Variants in UNC80 observed in about 807,000 individuals in gnomAD.
UNC80 encodes the protein unc-80 subunit of NALCN channel complex.
Under a neutral mutation model 384.6 loss-of-function variants are expected in UNC80, and 164 were observed. The observed-to-expected ratio is 0.43, with a 90% CI of 0.38 to 0.49. The LOEUF (loss-of-function observed/expected upper bound fraction) is 0.49, where lower values mean the gene tolerates loss of function less well. Ranked by LOEUF, UNC80 falls within the 20% of genes least tolerant of loss-of-function variation. The pLI, the probability that UNC80 is intolerant of heterozygous loss-of-function variation, is 0.00. For missense variants in UNC80, 3,330 were observed against 4,143.0 expected (o/e 0.80, Z 5.39); for synonymous variants, 1,486 against 1,527.8 (o/e 0.97, Z 0.64).
intron 33 of UNC80, among the ~76,000 whole-genome samples, chr2:209,919,416 A>G (rs991639959): frequency 1.3e-5 from 2 of 152,192 alleles, no homozygotes; most frequent in Non-Finnish European, 2.9e-5. Flanking sequence ...TAACCATTAA[A>G]GGTTTTTGAC....
In UNC80 at chr2:209,997,740, C is replaced by T. The variant is rs555045857; in HGVS notation, c.*2145C>T. ...AAGCCTCCACTCTGAGAAACAGGGC[C>T]TTATAGAGTAGGAATGTTTTCATAC... On this transcript the variant is annotated 3_prime_UTR_variant, in exon 65 of 65. Coordinates refer to ENST00000673920, the MANE Select transcript of UNC80 (RefSeq NM_001371986.1). The T allele has an allele frequency of 5.3e-5, 8 of 152,118 alleles. No individual in the cohort carries two copies. Among genetic ancestry groups the T allele is most frequent in the Non-Finnish European group, 8.8e-5 (6 of 67,976 alleles). 9.4% of individuals were successfully genotyped at this position (152,118 alleles called of 1,614,324 possible).
At chr2:209,934,154 A>T in intron 39 of UNC80, 149 bp downstream of exon 39, 3 of 748,328 alleles carry the variant, frequency 4.0e-6, no homozygotes. Context: ...TGTTTAATAT[A>T]ATCAGAGGAA....
chr2:209,984,336 G>T (rs1204149500), intron 60 of UNC80, among the ~76,000 whole-genome samples: 1 of 152,148 alleles, frequency 6.6e-6, no homozygotes, highest in South Asian at 2.1e-4. Flanking sequence ...AGGGAAAGTT[G>T]TGTTCTTTCT....
intron 7 of UNC80, among the ~76,000 whole-genome samples, chr2:209,806,404 C>A (rs565254099): frequency 5.6e-4 from 86 of 152,326 alleles, no homozygotes; most frequent in Non-Finnish European, 9.1e-4. Flanking sequence ...AGCTCTCTCT[C>A]TATATATATA....
rs1158873102 is a variant in UNC80 at position 209,959,166 on chromosome 2, C to T, written c.7586+12C>T. 1.9e-6 allele frequency: 3 copies of T among 1,551,824 alleles called. No individual in the cohort carries two copies. Among genetic ancestry groups the T allele is most frequent in the East Asian group, 4.9e-5 (2 of 40,920 alleles). Reference sequence around the variant, plus strand: ...CTGCACTTTATCAGGTACAGAAAGACTTGCTCTAATTTCATACCAGTTCTG... The same window carrying T: ...CTGCACTTTATCAGGTACAGAAAGATTTGCTCTAATTTCATACCAGTTCTG... On this transcript the variant is annotated intron_variant, in intron 50 of 64. Transcript: ENST00000673920.
chr2:209,817,601 G>A (rs573874845), intron 10 of UNC80, among the ~76,000 whole-genome samples: 1 of 152,074 alleles, frequency 6.6e-6, no homozygotes, highest in Non-Finnish European at 1.5e-5. Context: ...ATTTGGCTAA[G>A]ATTGGGGCTG....
Position 209,912,591 on chromosome 2 carries a change from C to T in UNC80, c.4814C>T (p.Ser1605Phe), listed in dbSNP as rs1330253308. The T allele has an allele frequency of 1.2e-5, 18 of 1,551,460 alleles. No individual in the cohort carries two copies. In the East Asian group the frequency reaches 4.2e-4, roughly 36 times the overall value. The change falls in exon 30 of 65, where the codon TCT (serine) becomes TTT (phenylalanine). Residue 1605 changes from serine (S) to phenylalanine (F), a missense_variant. Around this residue, in one of 8 missense-constraint regions of UNC80, gnomAD observed 801 missense variants for 950.8 expected, o/e 0.84. Coordinates refer to ENST00000673920, the MANE Select transcript of UNC80 (RefSeq NM_001371986.1). ...GATAAGTCATGCCTGAGGACACCTT[C>T]TCTAAAGAAGAGAGTTTCAGATGCC... ...CSDKSCLRTP[S>F]LKKRVSDANL...
At chr2:209,851,953 G>A (rs759208660) in intron 22 of UNC80, among the ~76,000 whole-genome samples, 1 of 152,058 alleles carries the variant, frequency 6.6e-6, no homozygotes, top group Non-Finnish European at 1.5e-5. Flanking sequence ...TAGCTTAAAC[G>A]TGGTTAGGAA....
At chr2:209,845,350 A>G (rs1434811023) in intron 21 of UNC80, 1 of 152,224 alleles carries the variant, frequency 6.6e-6, no homozygotes, top group Non-Finnish European at 1.5e-5. Context: ...GGTGGAAAAG[A>G]TAAAAGCATA....
At chr2:209,962,885 G>A (rs547812708) in intron 51 of UNC80, among the ~76,000 whole-genome samples, 1 of 152,012 alleles carries the variant, frequency 6.6e-6, no homozygotes, top group Non-Finnish European at 1.5e-5. Flanking sequence ...GCGAATTGAG[G>A]GTAGTATTAA....
intron 30 of UNC80, 110 bp downstream of exon 30, chr2:209,912,777 G>A (rs2089096146): frequency 1.5e-6 from 1 of 683,978 alleles, no homozygotes. Context: ...TACAGTGTTG[G>A]CATAAAGCCC....
At chr2:209,847,500 T>G (rs1163052992) in intron 21 of UNC80, among the ~76,000 whole-genome samples, 2 of 152,028 alleles carry the variant, frequency 1.3e-5, no homozygotes, top group African/African-American at 4.8e-5. Context: ...ATTCTGCTGA[T>G]CTTCTGACCT....
intron 7 of UNC80, among the ~76,000 whole-genome samples, chr2:209,806,923 T>A (rs2078937658): frequency 6.6e-6 from 1 of 152,230 alleles, no homozygotes; most frequent in South Asian, 2.1e-4. Flanking sequence ...GGAGTGCTTA[T>A]CTGCCTTCAA....
chr2:209,925,556 A>C (rs1472601495), intron 35 of UNC80, among the ~76,000 whole-genome samples: 1 of 147,892 alleles, frequency 6.8e-6, no homozygotes, highest in Non-Finnish European at 1.5e-5. Context: ...TCCAGCTTTT[A>C]TTCCCTTATT....
chr2:209,877,912 G>A (rs2084924090), intron 23 of UNC80, 42 bp from the exon 24 acceptor site: 2 of 1,472,716 alleles, frequency 1.4e-6, no homozygotes, highest in Non-Finnish European at 1.8e-6. Context: ...TTTAGAGTTT[G>A]ACTTAGTTTG....
chr2:209,964,384 G>T (rs1486548711), intron 51 of UNC80, among the ~76,000 whole-genome samples: 1 of 152,134 alleles, frequency 6.6e-6, no homozygotes, highest in African/African-American at 2.4e-5. Flanking sequence ...GTAGGCCCTG[G>T]ATTTAACTTC....
At position 209,815,323 on chromosome 2, in the gene UNC80, C is replaced by A; in HGVS notation, c.1267C>A (p.Leu423Met). Residue 423 changes from leucine to methionine, a missense_variant, in exon 9 of 65, where the codon CTG becomes ATG. By Grantham distance (15) the Leu-to-Met change is conservative. Around this residue, in one of 8 missense-constraint regions of UNC80, gnomAD observed 937 missense variants for 1,026.8 expected, o/e 0.91. Transcript: ENST00000673920. ...LSSEAFSKVS[L>M]TNLRRSAVPD... is the part of the protein sequence containing the mutation. ...CTCTGAGGCCTTTTCCAAGGTTTCA[C>A]TGACCAATCTGCGTAGATCTGCAGT... 1 of 1,551,702 alleles carries A rather than the reference C, an allele frequency of 6.4e-7. No individual in the cohort carries two copies. Among genetic ancestry groups the A allele is most frequent in the Non-Finnish European group, 8.7e-7 (1 of 1,146,974 alleles).
chr2:209,807,255 A>T (rs187948146), intron 7 of UNC80, among the ~76,000 whole-genome samples: 17 of 152,232 alleles, frequency 1.1e-4, no homozygotes, highest in African/African-American at 4.1e-4. Context: ...ATATTATTTT[A>T]TAACATTTTC....
At chr2:209,894,576 G>A (rs1032297060) in intron 27 of UNC80, among the ~76,000 whole-genome samples, 2 of 152,174 alleles carry the variant, frequency 1.3e-5, no homozygotes, top group African/African-American at 2.4e-5. Context: ...GGAGAGGCTT[G>A]TTAAAATGCA....
Sources: gnomAD v4.1 joint callset for allele counts (sites outside exome capture counted in the v4.1 genomes callset) on GRCh38, gnomAD v4.1.1 for gene constraint, gnomAD v4.1.1 regional missense constraint, MANE v1.5 for transcripts, NCBI Gene and HGNC (gene_info 2026-07-23, HGNC 2026-07-21) for gene names.